Variants in NALF1 observed in about 807,000 individuals in gnomAD.
NALF1 encodes the protein family with sequence similarity 155 member A.
A neutral mutation model predicts 48.4 loss-of-function variants in NALF1; 3 were observed. The observed-to-expected ratio is 0.06, with a 90% CI of 0.03 to 0.16. NALF1 has a LOEUF of 0.16. Among genes scored for constraint, NALF1 ranks in the 10% least tolerant of loss-of-function variants. The pLI, the probability that NALF1 is intolerant of heterozygous loss-of-function variation, is 1.00. For synonymous variants in NALF1, 262 were observed against 245.7 expected (o/e 1.07, Z -0.62); for missense variants, 526 against 571.5 (o/e 0.92, Z 0.81).
At chr13:107,662,456 C>T (rs987280215) in intron 1 of NALF1, among the ~76,000 whole-genome samples, 3 of 152,152 alleles carry the variant, frequency 2.0e-5, no homozygotes, top group African/African-American at 7.2e-5. Flanking sequence ...CCTGTTAATG[C>T]TTTCTGTTAA....
intron 1 of NALF1, among the ~76,000 whole-genome samples, chr13:107,250,831 A>G (rs116386167): frequency 0.011 from 1,713 of 152,218 alleles, 30 homozygotes; most frequent in African/African-American, 0.039. Context: ...TATTCTTGGC[A>G]TAGTGAGTAA....
chr13:107,607,516 AGTT>A (rs914029207), intron 1 of NALF1, among the ~76,000 whole-genome samples: 3 of 152,192 alleles, frequency 2.0e-5, no homozygotes, highest in South Asian at 2.1e-4. Flanking sequence ...GCCAAAATAA[AGTT>A]GTTGTTGTTG....
rs187438190 is a variant in NALF1 at position 107,865,396 on chromosome 13, C to T, written c.915+286G>A. On this transcript the variant is annotated intron_variant, in intron 1 of 2. Coordinates refer to ENST00000375915, the MANE Select transcript of NALF1 (RefSeq NM_001080396.3). ...CTTAAAAGATGTAACAGAGTTTGAG[C>T]CAACTGCATGAATGTAAGAAACAGT... Among the ~76,000 whole-genome samples, 53 of 152,142 alleles carry T rather than the reference C, an allele frequency of 3.5e-4. 1 individual carries two copies. The highest frequency in any genetic ancestry group is 1.2e-3 in the African/African-American group (51 of 41,492).
chr13:107,752,281 TATGGTTTA>T (rs1277426430), intron 1 of NALF1, among the ~76,000 whole-genome samples: 1 of 152,136 alleles, frequency 6.6e-6, no homozygotes, highest in African/African-American at 2.4e-5. Context: ...ACATGAGTAT[TATGGTTTA>T]ATAAGATAAC....
chr13:107,739,640 T>C (rs1411436108), intron 1 of NALF1, among the ~76,000 whole-genome samples: 13 of 152,218 alleles, frequency 8.5e-5, no homozygotes, highest in South Asian at 4.1e-4. Context: ...AATAGCAATT[T>C]ATTAAGACCT....
intron 1 of NALF1, among the ~76,000 whole-genome samples, chr13:107,720,961 T>C (rs1032203723): frequency 6.6e-6 from 1 of 152,072 alleles, no homozygotes; most frequent in Non-Finnish European, 1.5e-5. Flanking sequence ...ACAAAAACAT[T>C]ATTGCTAAAT....
At chr13:107,497,099 TA>T (rs952688436) in intron 1 of NALF1, among the ~76,000 whole-genome samples, 6 of 152,212 alleles carry the variant, frequency 3.9e-5, no homozygotes, top group Admixed American at 2.6e-4. Context: ...GTTTTCTTTT[TA>T]AAATTCTTAG....
At chr13:107,502,559 A>G (rs1016323150) in intron 1 of NALF1, among the ~76,000 whole-genome samples, 6 of 152,168 alleles carry the variant, frequency 3.9e-5, no homozygotes, top group Admixed American at 3.9e-4. Flanking sequence ...GGTTACCTTG[A>G]ACATTCTAAA....
chr13:107,322,879 A>G (rs1490039854), intron 1 of NALF1, among the ~76,000 whole-genome samples: 1 of 152,072 alleles, frequency 6.6e-6, no homozygotes, highest in East Asian at 1.9e-4. Context: ...CATTTGCTCC[A>G]CCAGATTCCA....
chr13:107,431,515 A>C (rs1884381360), intron 1 of NALF1, among the ~76,000 whole-genome samples: 1 of 152,234 alleles, frequency 6.6e-6, no homozygotes, highest in Admixed American at 6.5e-5. Context: ...TTGAATGGCT[A>C]TTCACTGCTA....
intron 1 of NALF1, among the ~76,000 whole-genome samples, chr13:107,342,399 C>A (rs1248918399): frequency 1.3e-5 from 2 of 152,032 alleles, no homozygotes; most frequent in African/African-American, 4.8e-5. Context: ...TAAAATGTTA[C>A]AAAACATGAA....
At chr13:107,537,085 T>TG (rs1876845692) in intron 1 of NALF1, among the ~76,000 whole-genome samples, 1 of 151,344 alleles carries the variant, frequency 6.6e-6, no homozygotes, top group Admixed American at 6.6e-5. Context: ...AGTCGTGGGG[T>TG]GGGAGGAGTG....
chr13:107,667,007 G>T (rs1232023170), intron 1 of NALF1, among the ~76,000 whole-genome samples: 1 of 151,978 alleles, frequency 6.6e-6, no homozygotes, highest in Non-Finnish European at 1.5e-5. Context: ...TACATAATAT[G>T]CATTTTCCAC....
At chr13:107,764,870 T>A (rs11620185) in intron 1 of NALF1, among the ~76,000 whole-genome samples, 1 of 152,266 alleles carries the variant, frequency 6.6e-6, no homozygotes, top group East Asian at 1.9e-4. Context: ...TGCAGACGGC[T>A]GCATTCAATT....
At position 107,754,354 on chromosome 13, in the gene NALF1, A is replaced by AACACAC. The variant is rs6145234; in HGVS notation, c.915+111322_915+111327dup. ...AGGAATTGTATTTTTGTACATTGTG[A>AACACAC]ACACACACACACACACACACACACA... On this transcript the variant is annotated intron_variant, in intron 1 of 2. Transcript: ENST00000375915. 5.9e-3 allele frequency among the ~76,000 whole-genome samples: 836 copies of AACACAC among 142,392 alleles called. 5 individuals carry two copies. The highest frequency in any genetic ancestry group is 0.014 in the Middle Eastern group (4 of 286). 93.4% of individuals were successfully genotyped at this position (142,392 alleles called of 152,430 possible). A position where few individuals can be genotyped will look rare whatever the true frequency, so the allele number is the denominator to read the frequency against.
At chr13:107,767,543 T>A (rs1198603123) in intron 1 of NALF1, among the ~76,000 whole-genome samples, 1 of 152,346 alleles carries the variant, frequency 6.6e-6, no homozygotes, top group Non-Finnish European at 1.5e-5. Context: ...GACGACTGTA[T>A]ACCTTATGAG....
chr13:107,364,663 A>G (rs1210070928), intron 1 of NALF1, among the ~76,000 whole-genome samples: 1 of 152,178 alleles, frequency 6.6e-6, no homozygotes, highest in Admixed American at 6.5e-5. Flanking sequence ...ATTGAACAGT[A>G]AAATGTGGTT....
intron 1 of NALF1, among the ~76,000 whole-genome samples, chr13:107,606,677 CTT>C (rs1223633364): frequency 6.6e-6 from 1 of 152,020 alleles, no homozygotes; most frequent in African/African-American, 2.4e-5. Flanking sequence ...CTTAACATCT[CTT>C]GAGAGGAAAC....
At chr13:107,460,454 G>C (rs1884899720) in intron 1 of NALF1, among the ~76,000 whole-genome samples, 1 of 152,238 alleles carries the variant, frequency 6.6e-6, no homozygotes, top group Non-Finnish European at 1.5e-5. Context: ...GCTAGGAGTA[G>C]ATGTGCTCAG....
Sources: allele counts gnomAD v4.1 joint callset (sites outside exome capture counted in the v4.1 genomes callset), GRCh38; gene constraint gnomAD v4.1.1; transcripts MANE v1.5; gene names NCBI Gene and HGNC (gene_info 2026-07-23, HGNC 2026-07-21).